POLR3G: variants seen among roughly 807,000 people sequenced by gnomAD.
The protein encoded by POLR3G is DNA-directed RNA polymerase III subunit RPC7.
In POLR3G, 28 loss-of-function variants were observed where a neutral mutation model predicts 30.1. The observed-to-expected ratio is 0.93, with a 90% CI of 0.69 to 1.27. POLR3G has a LOEUF of 1.27. POLR3G is among the 50% of genes most tolerant of loss of function. The pLI, the probability that POLR3G is intolerant of heterozygous loss-of-function variation, is 0.00. For missense variants in POLR3G, 254 were observed against 264.6 expected (o/e 0.96, Z 0.28); for synonymous variants, 79 against 82.5 (o/e 0.96, Z 0.23).
Position 90,497,869 on chromosome 5 carries a change from G to A in POLR3G, c.355+163G>A, listed in dbSNP as rs1752065125. 1.9e-5 allele frequency: 16 copies of A among 833,568 alleles called. No homozygotes were observed. In the South Asian group the frequency reaches 3.6e-4, roughly 19 times the overall value. 51.6% of individuals were successfully genotyped at this position (833,568 alleles called of 1,614,324 possible). ...GCCTGTAATCTCAGCATTTCGGGAGGCTGAGGTGGGAGGATCACTTGAGCC... is the reference window on the plus strand; with the variant it reads ...GCCTGTAATCTCAGCATTTCGGGAGACTGAGGTGGGAGGATCACTTGAGCC... On this transcript the variant is annotated intron_variant, in intron 5 of 7. Coordinates refer to ENST00000651687, the MANE Select transcript of POLR3G (RefSeq NM_006467.3).
chr5:90,485,526 G>A lies in POLR3G; in HGVS notation c.-42G>A, dbSNP rs1260681416. 6 of 1,334,220 alleles carry A rather than the reference G, an allele frequency of 4.5e-6. No homozygotes were observed. The highest frequency in any genetic ancestry group is 6.4e-6 in the Non-Finnish European group (6 of 940,646). 82.6% of individuals were successfully genotyped at this position (1,334,220 alleles called of 1,614,324 possible). ...CCAGTAAATCGTAATCATTAATAGT[G>A]CCTTTCAGAATTTGCCCACTCATCT... is the stretch of plus-strand genomic sequence containing the variant. On this transcript the variant is annotated splice_region_variant and 5_prime_UTR_variant, in exon 2 of 8. Transcript: ENST00000651687.
At chr5:90,478,768 G>A (rs1013843260) in intron 1 of POLR3G, among the ~76,000 whole-genome samples, 2 of 150,632 alleles carry the variant, frequency 1.3e-5, no homozygotes, top group South Asian at 2.1e-4. Flanking sequence ...GGCAGATCAC[G>A]AGGTCAAGAG....
At chr5:90,500,784 G>A (rs1433279333) in intron 5 of POLR3G, among the ~76,000 whole-genome samples, 3 of 151,988 alleles carry the variant, frequency 2.0e-5, no homozygotes, top group African/African-American at 4.8e-5. Flanking sequence ...ATTTTCTTTT[G>A]TAGGTTAAAT....
At chr5:90,474,264 T>G (rs1483434525), upstream of POLR3G, 1 of 1,613,388 alleles carries the variant, frequency 6.2e-7, no homozygotes, top group Non-Finnish European at 8.5e-7. Flanking sequence ...GCCTAGAGAC[T>G]TGTGGGCGTA....
At chr5:90,508,959 G>C (rs1331791325) in intron 7 of POLR3G, among the ~76,000 whole-genome samples, 1 of 152,180 alleles carries the variant, frequency 6.6e-6, no homozygotes, top group Non-Finnish European at 1.5e-5. Context: ...TACTTGGGAG[G>C]CTGAGGCAGG....
At chr5:90,502,677 A>G (rs534483017) in intron 6 of POLR3G, among the ~76,000 whole-genome samples, 1 of 152,200 alleles carries the variant, frequency 6.6e-6, no homozygotes, top group South Asian at 2.1e-4. Context: ...ATACATAGCA[A>G]ATACGAGGTT....
chr5:90,503,733 T>C (rs1043737695), intron 6 of POLR3G, among the ~76,000 whole-genome samples: 1 of 152,226 alleles, frequency 6.6e-6, no homozygotes, highest in Non-Finnish European at 1.5e-5. Context: ...GTTTTTTTTA[T>C]AATAGAGCAT....
intron 4 of POLR3G, among the ~76,000 whole-genome samples, chr5:90,497,278 A>AAATATATCAACTACAG (rs1298771535): frequency 6.6e-6 from 1 of 152,168 alleles, no homozygotes; most frequent in Non-Finnish European, 1.5e-5. Flanking sequence ...GTTGCATAAG[A>AAATATATCAACTACAG]AATATATCAA....
chr5:90,499,425 A>G (rs1220474281), intron 5 of POLR3G, among the ~76,000 whole-genome samples: 3 of 152,244 alleles, frequency 2.0e-5, no homozygotes, highest in African/African-American at 7.2e-5. Context: ...AGATAGGACG[A>G]AGACTGGAAA....
chr5:90,476,534 G>A (rs1219719827), intron 1 of POLR3G, among the ~76,000 whole-genome samples: 1 of 152,140 alleles, frequency 6.6e-6, no homozygotes, highest in Non-Finnish European at 1.5e-5. Context: ...GTAATATAGG[G>A]CCCTCAGTAG....
In POLR3G at chr5:90,491,807, T is replaced by TG. The variant is rs1751739524; in HGVS notation, c.247+3679dup. Among the ~76,000 whole-genome samples the TG allele has an allele frequency of 3.3e-5, 5 of 152,040 alleles. No individual in the cohort carries two copies. In the South Asian group the frequency reaches 1.0e-3, roughly 32 times the overall value. ...ATTCATCAGACATTCCCCACTATGC[T>TG]GAAAAAAAGAATAAATTTAAAAAAT... On this transcript the variant is annotated intron_variant, in intron 3 of 7. Transcript: ENST00000651687.
intron 4 of POLR3G, 57 bp from the exon 5 acceptor site, chr5:90,497,599 C>A: frequency 1.3e-6 from 2 of 1,552,030 alleles, no homozygotes; most frequent in South Asian, 2.5e-5. Flanking sequence ...TAGTTATGTT[C>A]AATGCCACAA....
At chr5:90,475,479 T>TG (rs1750754798) in intron 1 of POLR3G, among the ~76,000 whole-genome samples, 1 of 29,872 alleles carries the variant, frequency 3.3e-5, no homozygotes, top group African/African-American at 1.9e-4. Context: ...CTTTTTTTAA[T>TG]TTTATTATTA....
At chr5:90,485,802 G>A in intron 2 of POLR3G, 118 bp downstream of exon 2, 1 of 673,712 alleles carries the variant, frequency 1.5e-6, no homozygotes, top group South Asian at 2.4e-5. Flanking sequence ...GAAAGTAAAG[G>A]AGAGTGTGTT....
chr5:90,506,037 C>T (rs952837603), intron 6 of POLR3G, among the ~76,000 whole-genome samples: 1 of 151,976 alleles, frequency 6.6e-6, no homozygotes, highest in Non-Finnish European at 1.5e-5. Flanking sequence ...CAGTTTGAGA[C>T]CAGCATAGCC....
chr5:90,489,004 AAAC>A (rs924177716), intron 3 of POLR3G, among the ~76,000 whole-genome samples: 10 of 152,196 alleles, frequency 6.6e-5, no homozygotes, highest in African/African-American at 1.2e-4. Context: ...TGAGTTCTCA[AAAC>A]AACATCATTA....
chr5:90,478,254 G>A (rs897885512), intron 1 of POLR3G, among the ~76,000 whole-genome samples: 2 of 152,124 alleles, frequency 1.3e-5, no homozygotes, highest in African/African-American at 4.8e-5. Flanking sequence ...AAACCTCTCA[G>A]AACAATTCTG....
At chr5:90,500,361 A>G (rs76171517) in intron 5 of POLR3G, among the ~76,000 whole-genome samples, 1 of 150,308 alleles carries the variant, frequency 6.7e-6, no homozygotes, top group African/African-American at 2.4e-5. Flanking sequence ...CCAAAGATGG[A>G]AAAAAAAAAT....
rs1292987735 is a variant in POLR3G, at chr5:90,513,607, G to A, written c.*1468G>A. 7.2e-5 allele frequency: 11 copies of A among 152,270 alleles called. No individual in the cohort carries two copies. Among genetic ancestry groups the A allele is most frequent in the Non-Finnish European group, 1.5e-5 (1 of 68,028 alleles). 9.4% of individuals were successfully genotyped at this position (152,270 alleles called of 1,614,324 possible). A position where few individuals can be genotyped will look rare whatever the true frequency, so the allele number is the denominator to read the frequency against. On this transcript the variant is annotated 3_prime_UTR_variant, in exon 8 of 8. Transcript: ENST00000651687. ...ATTCATGCAGAAAATTGGAGAAAAT[G>A]TGTATTGTCTTGTGCCATTCTGCAA...
Sources: gnomAD v4.1 joint callset for allele counts (sites outside exome capture counted in the v4.1 genomes callset) on GRCh38, gnomAD v4.1.1 for gene constraint, MANE v1.5 for transcripts, NCBI Gene and HGNC (gene_info 2026-07-23, HGNC 2026-07-21) for gene names.